ZSWIM5: variants seen among roughly 807,000 people sequenced by gnomAD.
ZSWIM5 encodes zinc finger SWIM domain-containing protein 5.
ZSWIM5 carries 55 observed loss-of-function variants against 119.6 expected under a neutral mutation model. The ratio of observed to expected loss-of-function variants is 0.46; its 90% confidence interval spans 0.37 to 0.58. The LOEUF (loss-of-function observed/expected upper bound fraction) is 0.58. Ranked by LOEUF, ZSWIM5 falls within the 20% of genes least tolerant of loss-of-function variation. ZSWIM5 has a pLI of 0.00. For synonymous variants in ZSWIM5, 537 were observed against 606.9 expected, an observed-to-expected ratio of 0.88 and a Z score of 1.69; for missense variants, 1,193 against 1,512.8, an observed-to-expected ratio of 0.79 and a Z score of 3.51.
chr1:45,105,474 G>A (rs1645466136), intron 1 of ZSWIM5, among the ~76,000 whole-genome samples: 1 of 150,132 alleles, frequency 6.7e-6, no homozygotes, highest in Non-Finnish European at 1.5e-5. Context: ...GAGCGCCTCT[G>A]CCCGGCCGCC....
At chr1:45,027,252 T>G in intron 11 of ZSWIM5, among the ~76,000 whole-genome samples, 1 of 152,052 alleles carries the variant, frequency 6.6e-6, no homozygotes, top group African/African-American at 2.4e-5. Context: ...TTTCTTCTGC[T>G]AACTTAGATT....
chr1:45,058,728 T>C lies in ZSWIM5; in HGVS notation c.1133A>G (p.Asn378Ser). ...VREMLRMRDS[N>S]GARMLTLITE... ...TATTAGTGTCAGCATCCTTGCTCCA[T>C]TGGAATCTCTCATCCGCAGCATTTC... Residue 378 changes from asparagine (N) to serine (S), a missense_variant, in exon 4 of 14, where the codon AAT becomes AGT. By Grantham distance (46) the Asn-to-Ser change is conservative. This residue lies in a region of ZSWIM5 where 961 missense variants were observed against 1,290.0 expected (regional missense o/e 0.74). Coordinates refer to ENST00000359600, the MANE Select transcript of ZSWIM5 (RefSeq NM_020883.2). The C allele has an allele frequency of 1.2e-6, 2 of 1,614,188 alleles. No homozygotes were observed. The highest frequency in any genetic ancestry group is 1.7e-6 in the Non-Finnish European group (2 of 1,180,032).
At chr1:45,176,672 C>T (rs1257310604) in intron 1 of ZSWIM5, among the ~76,000 whole-genome samples, 2 of 151,988 alleles carry the variant, frequency 1.3e-5, no homozygotes, top group African/African-American at 4.8e-5. Flanking sequence ...TCTTTCATTG[C>T]CACCACAGCT....
chr1:45,025,309 G>A (rs558920010), intron 11 of ZSWIM5, among the ~76,000 whole-genome samples: 43 of 152,054 alleles, frequency 2.8e-4, no homozygotes, highest in Non-Finnish European at 2.8e-4. Context: ...TAGGTCTTTC[G>A]TTTTTCCACA....
At chr1:45,055,110 C>T (rs1292334819) in intron 4 of ZSWIM5, among the ~76,000 whole-genome samples, 2 of 152,226 alleles carry the variant, frequency 1.3e-5, no homozygotes, top group African/African-American at 4.8e-5. Context: ...CCTGCCTCAG[C>T]CTCCCGAGTA....
chr1:45,020,936 C>G, intron 11 of ZSWIM5, 148 bp from the exon 12 acceptor site: 1 of 890,568 alleles, frequency 1.1e-6, no homozygotes, highest in Non-Finnish European at 1.7e-6. Context: ...CGAGCTGTCT[C>G]CACTAATCAC....
intron 1 of ZSWIM5, among the ~76,000 whole-genome samples, chr1:45,115,513 G>C (rs534995451): frequency 6.6e-6 from 1 of 151,492 alleles, no homozygotes; most frequent in Admixed American, 6.6e-5. Flanking sequence ...TCGCGGCCGG[G>C]CAGAGGCGCT....
rs181647423 is a variant in ZSWIM5 at position 45,115,323 on chromosome 1, C to T, written c.596-27086G>A. On this transcript the variant is annotated intron_variant, in intron 1 of 13. Transcript: ENST00000359600. The stretch of plus-strand genomic sequence containing the variant: ...GATGGGGCGGCTGGCCGGGTGGAGA[C>T]GCTCCTCATTTCCCAGACGGGGTGG... Among the ~76,000 whole-genome samples the T allele has an allele frequency of 3.5e-3, 535 of 151,256 alleles. 4 individuals carry two copies. The highest frequency in any genetic ancestry group is 0.015 in the East Asian group (78 of 5,116).
intron 1 of ZSWIM5, among the ~76,000 whole-genome samples, chr1:45,124,221 T>C (rs1039145560): frequency 2.0e-5 from 3 of 152,118 alleles, no homozygotes; most frequent in Admixed American, 6.5e-5. Flanking sequence ...CCTTCTCCAA[T>C]TGAGTTTTCT....
At position 45,040,313 on chromosome 1, in the gene ZSWIM5, T is replaced by C. The variant is rs538090177; in HGVS notation, c.1756+79A>G. On this transcript the variant is annotated intron_variant, in intron 7 of 13. Transcript: ENST00000359600. ...AGGAGAATGACCCGGAATTCCCTAG[T>C]TCTTCTGGGCCTTGTATCCCCTGAG... 89 of 1,401,018 alleles carry C rather than the reference T, an allele frequency of 6.4e-5. 2 individuals are homozygous for C. In the East Asian group the frequency reaches 2.1e-3, roughly 33 times the overall value. 86.8% of individuals were successfully genotyped at this position (1,401,018 alleles called of 1,614,324 possible). A position where few individuals can be genotyped will look rare whatever the true frequency, so the allele number is the denominator to read the frequency against.
At chr1:45,032,914 A>T in intron 11 of ZSWIM5, among the ~76,000 whole-genome samples, 1 of 149,058 alleles carries the variant, frequency 6.7e-6, no homozygotes, top group African/African-American at 2.5e-5. Flanking sequence ...TATCTTTTTT[A>T]CTCTGATTGC....
chr1:45,179,996 T>A (rs1646005457), intron 1 of ZSWIM5, among the ~76,000 whole-genome samples: 1 of 152,114 alleles, frequency 6.6e-6, no homozygotes, highest in South Asian at 2.1e-4. Context: ...CAGCTCCCAG[T>A]GTGAGCGACA....
chr1:45,109,164 A>G (rs1179311334), intron 1 of ZSWIM5, among the ~76,000 whole-genome samples: 1 of 152,202 alleles, frequency 6.6e-6, no homozygotes, highest in Non-Finnish European at 1.5e-5. Context: ...AACTGGAGCA[A>G]AACCATTTTT....
intron 11 of ZSWIM5, among the ~76,000 whole-genome samples, chr1:45,032,543 G>C (rs1455834592): frequency 6.7e-6 from 1 of 149,902 alleles, no homozygotes; most frequent in Non-Finnish European, 1.5e-5. Flanking sequence ...CAGGAGTTCA[G>C]TGGTGCAACT....
chr1:45,054,796 A>G (rs1645111541), intron 4 of ZSWIM5, among the ~76,000 whole-genome samples: 1 of 152,062 alleles, frequency 6.6e-6, no homozygotes, highest in South Asian at 2.1e-4. Context: ...TTTGGATGTA[A>G]AAGAAAATAG....
intron 1 of ZSWIM5, among the ~76,000 whole-genome samples, chr1:45,147,248 C>A (rs1271658555): frequency 1.3e-5 from 2 of 151,824 alleles, no homozygotes; most frequent in Non-Finnish European, 2.9e-5. Context: ...CTAGCACTAT[C>A]AACTTTTAAA....
intron 1 of ZSWIM5, among the ~76,000 whole-genome samples, chr1:45,166,497 G>A (rs1645904575): frequency 1.3e-5 from 2 of 151,922 alleles, no homozygotes; most frequent in African/African-American, 4.8e-5. Flanking sequence ...AGAAATAAAG[G>A]GTACTCAATT....
At chr1:45,042,372 T>C (rs1045233121) in intron 6 of ZSWIM5, among the ~76,000 whole-genome samples, 30 of 152,246 alleles carry the variant, frequency 2.0e-4, no homozygotes, top group Non-Finnish European at 4.4e-4. Context: ...TAATGAGATG[T>C]ATATTCTTTC....
chr1:45,036,864 T>C (rs532540184), intron 8 of ZSWIM5, among the ~76,000 whole-genome samples: 1 of 152,324 alleles, frequency 6.6e-6, no homozygotes, highest in East Asian at 1.9e-4. Context: ...GGTGCAATCA[T>C]GGGTCACTGA....
Sources: gnomAD v4.1 joint callset for allele counts (sites outside exome capture counted in the v4.1 genomes callset) on GRCh38, gnomAD v4.1.1 for gene constraint, gnomAD v4.1.1 regional missense constraint, MANE v1.5 for transcripts, NCBI Gene and HGNC (gene_info 2026-07-23, HGNC 2026-07-21) for gene names.